Variants in YTHDC2 observed in about 807,000 individuals in gnomAD.
The protein encoded by YTHDC2 is 3'-5' RNA helicase YTHDC2.
A neutral mutation model predicts 174.9 loss-of-function variants in YTHDC2; 45 were observed. That is an observed-to-expected ratio of 0.26 (90% CI 0.20 to 0.33). The LOEUF (loss-of-function observed/expected upper bound fraction) is 0.33, where lower values mean the gene tolerates loss of function less well. Ranked by LOEUF, YTHDC2 falls within the 10% of genes least tolerant of loss-of-function variation. The pLI is 1.00. For missense variants in YTHDC2, 1,650 were observed against 1,723.7 expected, an observed-to-expected ratio of 0.96 and a Z score of 0.76; for synonymous variants, 657 against 574.5, an observed-to-expected ratio of 1.14 and a Z score of -2.05.
At chr5:113,591,351 C>A in intron 27 of YTHDC2, 107 bp downstream of exon 27, 1 of 1,128,308 alleles carries the variant, frequency 8.9e-7, no homozygotes, top group Non-Finnish European at 1.3e-6. Flanking sequence ...TGCAAGAATG[C>A]CTTTTGCTTG....
intron 2 of YTHDC2, among the ~76,000 whole-genome samples, chr5:113,521,795 G>C (rs572857451): frequency 7.6e-6 from 1 of 131,466 alleles, no homozygotes; most frequent in African/African-American, 2.8e-5. Flanking sequence ...ACCATGCCTT[G>C]AAAGCAAAAA....
intron 26 of YTHDC2, among the ~76,000 whole-genome samples, chr5:113,587,570 ATATT>A (rs1405552829): frequency 7.0e-6 from 1 of 143,486 alleles, no homozygotes; most frequent in South Asian, 2.1e-4. Flanking sequence ...AATATATAGT[ATATT>A]TATATATTAA....
chr5:113,525,564 C>A (rs1044084440), intron 3 of YTHDC2, among the ~76,000 whole-genome samples: 2 of 151,958 alleles, frequency 1.3e-5, no homozygotes, highest in Non-Finnish European at 2.9e-5. Flanking sequence ...ACCAAACCAG[C>A]CAATAAACTG....
At chr5:113,555,521 C>T (rs1045020698) in intron 16 of YTHDC2, among the ~76,000 whole-genome samples, 3 of 151,522 alleles carry the variant, frequency 2.0e-5, no homozygotes, top group South Asian at 4.1e-4. Context: ...TTCATTGTAA[C>T]GTTCGGGAAA....
chr5:113,525,213 A>G (rs112231922), intron 3 of YTHDC2, 36 bp downstream of exon 3: 35,928 of 1,472,320 alleles, frequency 0.024, 516 homozygotes, highest in African/African-American at 0.055. Flanking sequence ...CATTTACCCT[A>G]TTATTTGATG....
intron 28 of YTHDC2, 28 bp downstream of exon 28, chr5:113,592,206 T>TTC (rs747842701): frequency 1.3e-6 from 2 of 1,560,086 alleles, no homozygotes; most frequent in Admixed American, 2.0e-5. Context: ...TTTTTTTATT[T>TTC]ACTTTTGTTT....
chr5:113,566,054 A>C lies in YTHDC2; in HGVS notation c.2842+35A>C, dbSNP rs143973199. On this transcript the variant is annotated intron_variant, in intron 21 of 29. Transcript: ENST00000161863. Reference sequence around the variant, plus strand: ...TTCCCTCAAAGAGCCTATTTAAGTTACTGAGAGTACCCTGCCCATATTTCA... The same window carrying C: ...TTCCCTCAAAGAGCCTATTTAAGTTCCTGAGAGTACCCTGCCCATATTTCA... The C allele has an allele frequency of 4.1e-4, 638 of 1,571,134 alleles. 2 individuals are homozygous for C. In the Middle Eastern group the frequency reaches 4.5e-3, roughly 11 times the overall value.
At chr5:113,535,976 C>A (rs1312305487) in intron 7 of YTHDC2, among the ~76,000 whole-genome samples, 178 bp downstream of exon 7, 1 of 152,176 alleles carries the variant, frequency 6.6e-6, no homozygotes, top group Non-Finnish European at 1.5e-5. Context: ...CTATCAACAG[C>A]TCTTTGGTAT....
chr5:113,537,674 C>T (rs1259812875), intron 7 of YTHDC2, among the ~76,000 whole-genome samples: 1 of 151,782 alleles, frequency 6.6e-6, no homozygotes, highest in South Asian at 2.1e-4. Flanking sequence ...CTCATTCATG[C>T]CCTGGGCTTC....
Position 113,541,600 on chromosome 5 carries a change from C to T in YTHDC2, c.1359+484C>T, listed in dbSNP as rs138962270. On this transcript the variant is annotated intron_variant, in intron 9 of 29. Coordinates refer to ENST00000161863, the MANE Select transcript of YTHDC2 (RefSeq NM_022828.5). ...TCTACTCTTTAAAAAAATAATTTAC[C>T]CTTTTTTTGAGCATGTGATAGTATG... Among the ~76,000 whole-genome samples, 467 of 152,058 alleles carry T rather than the reference C, an allele frequency of 3.1e-3. 3 individuals carry two copies. Among genetic ancestry groups the T allele is most frequent in the African/African-American group, 0.011 (451 of 41,468 alleles).
intron 17 of YTHDC2, among the ~76,000 whole-genome samples, chr5:113,556,882 G>A (rs987191887): frequency 6.6e-6 from 1 of 152,198 alleles, no homozygotes; most frequent in African/African-American, 2.4e-5. Flanking sequence ...TCTGGGAACA[G>A]TGTGATGTCC....
rs760660765 is a variant in YTHDC2 at position 113,565,909 on chromosome 5, G to A, written c.2732G>A (p.Arg911Gln). Reference sequence around the variant, plus strand: ...TTTTTATAGGCCTGGCAAAAAGCACGAAGTGATGGGTGGGAGCGAGCCTTT... The same window carrying A: ...TTTTTATAGGCCTGGCAAAAAGCACAAAGTGATGGGTGGGAGCGAGCCTTT... The part of the protein sequence containing the change: ...LRAFQAWQKA[R>Q]SDGWERAFCE... Residue 911 changes from arginine (R) to glutamine (Q), a missense_variant, in exon 21 of 30, where the codon CGA (arginine) becomes CAA (glutamine). This residue lies in a region of YTHDC2 where 913 missense variants were observed against 940.4 expected (regional missense o/e 0.97). Transcript: ENST00000161863. 3.1e-6 allele frequency: 5 copies of A among 1,612,278 alleles called. No individual in the cohort carries two copies. The highest frequency in any genetic ancestry group is 2.2e-5 in the East Asian group (1 of 44,754).
rs182775362 is a variant in YTHDC2, at chr5:113,521,566, C to A, written c.279-3415C>A. Among the ~76,000 whole-genome samples the A allele has an allele frequency of 6.6e-3, 1,008 of 151,606 alleles. 6 individuals carry two copies. The highest frequency in any genetic ancestry group is 0.023 in the African/African-American group (939 of 41,340). ...ACTAATATGGTGAAACCCCATCTCT[C>A]CTAAAAATACAAAAATTAGCCATGC... is the stretch of plus-strand genomic sequence containing the variant. On this transcript the variant is annotated intron_variant, in intron 2 of 29. Coordinates refer to ENST00000161863, the MANE Select transcript of YTHDC2 (RefSeq NM_022828.5).
rs1436056237 is a variant in YTHDC2, at chr5:113,564,090, G to C, written c.2674G>C (p.Gly892Arg). The C allele has an allele frequency of 2.5e-6, 4 of 1,614,008 alleles. No homozygotes were observed. Among genetic ancestry groups the C allele is most frequent in the African/African-American group, 1.3e-5 (1 of 74,928 alleles). ...AMLCRKRFTA[G>R]AFSDHMALLR... ...GCTTTGTAGGAAACGTTTTACTGCA[G>C]GAGCTTTCAGTGACCATATGGCACT... is the stretch of plus-strand genomic sequence containing the variant. The change falls in exon 20 of 30, where the codon GGA (glycine) becomes CGA (arginine). Residue 892 changes from glycine (G) to arginine (R), a missense_variant. Around this residue, in one of 5 missense-constraint regions of YTHDC2, gnomAD observed 913 missense variants for 940.4 expected, o/e 0.97. Coordinates refer to ENST00000161863, the MANE Select transcript of YTHDC2 (RefSeq NM_022828.5).
chr5:113,591,963 C>G, intron 27 of YTHDC2, 33 bp from the exon 28 acceptor site: 1 of 1,477,852 alleles, frequency 6.8e-7, no homozygotes, highest in Non-Finnish European at 9.1e-7. Flanking sequence ...ATCTCCTCCT[C>G]ACCTCTATTC....
intron 7 of YTHDC2, among the ~76,000 whole-genome samples, chr5:113,536,256 G>A (rs1370582692): frequency 6.6e-6 from 1 of 152,124 alleles, no homozygotes; most frequent in Non-Finnish European, 1.5e-5. Context: ...CCGGGCGTGG[G>A]GGCTCACGCC....
intron 28 of YTHDC2, chr5:113,592,693 T>G (rs1779071776): frequency 6.6e-6 from 1 of 152,482 alleles, no homozygotes; most frequent in South Asian, 2.1e-4. Flanking sequence ...ATGACTCGTT[T>G]CAAATCACCA....
In YTHDC2 at chr5:113,535,697, A is replaced by C; in HGVS notation, c.1001A>C (p.Asp334Ala). The C allele has an allele frequency of 1.2e-6, 2 of 1,613,796 alleles. No homozygotes were observed. Among genetic ancestry groups the C allele is most frequent in the Non-Finnish European group, 1.7e-6 (2 of 1,179,886 alleles). The stretch of plus-strand genomic sequence containing the variant: ...GATTTTTTACTTACAAAGTTAAGAG[A>C]TTTGTTGCAAAAGCACCCAACTTTG... ...FSDFLLTKLR[D>A]LLQKHPTLKL... Residue 334 changes from aspartate (D) to alanine (A), a missense_variant, in exon 7 of 30, where the codon GAT (aspartate) becomes GCT (alanine). Asp to Ala is a moderately radical substitution (Grantham distance 126, BLOSUM62 -2). Transcript: ENST00000161863.
At position 113,513,718 on chromosome 5, in the gene YTHDC2, A is replaced by G; in HGVS notation, c.-178A>G. ...CGCTCCTCGCCTGGCCGTGATATCAATGGCGCAGGCTTCACTTCTGCTGTG... is the reference window on the plus strand; with the variant it reads ...CGCTCCTCGCCTGGCCGTGATATCAGTGGCGCAGGCTTCACTTCTGCTGTG... On this transcript the variant is annotated 5_prime_UTR_variant, in exon 1 of 30. The change abolishes an upstream ATG in the 5' untranslated region. Transcript: ENST00000161863. The G allele has an allele frequency of 1.5e-6, 1 of 674,456 alleles. No individual in the cohort carries two copies. The highest frequency in any genetic ancestry group is 2.3e-6 in the Non-Finnish European group (1 of 431,472). The allele number at this position is 674,456 out of a possible 1,614,324, so 41.8% of individuals were successfully genotyped here.
Sources: gnomAD v4.1 joint callset for allele counts (sites outside exome capture counted in the v4.1 genomes callset) on GRCh38, gnomAD v4.1.1 for gene constraint, gnomAD v4.1.1 regional missense constraint, MANE v1.5 for transcripts, NCBI Gene and HGNC (gene_info 2026-07-23, HGNC 2026-07-21) for gene names.